The following ITIH2 variants were observed in gnomAD, a reference collection of about 807,000 sequenced individuals.
ITIH2 encodes inter-alpha-trypsin inhibitor heavy chain 2.
ITIH2 carries 103 observed loss-of-function variants against 104.4 expected under a neutral mutation model. The observed-to-expected ratio is 0.99, with a 90% confidence interval of 0.84 to 1.16. The LOEUF (loss-of-function observed/expected upper bound fraction) is 1.16, where lower values mean the gene tolerates loss of function less well. Ranked by LOEUF, ITIH2 falls within the 50% of genes most tolerant of loss-of-function variation. The pLI, the probability that ITIH2 is intolerant of heterozygous loss-of-function variation, is 0.00. For synonymous variants in ITIH2, 436 were observed against 435.4 expected, an observed-to-expected ratio of 1.00 and a Z score of -0.02; for missense variants, 1,108 against 1,162.4, an observed-to-expected ratio of 0.95 and a Z score of 0.68.
At chr10:7,734,408 C>T (rs1333174927) in intron 14 of ITIH2, among the ~76,000 whole-genome samples, 1 of 152,172 alleles carries the variant, frequency 6.6e-6, no homozygotes, top group South Asian at 2.1e-4. Context: ...AAAAAAATGC[C>T]TTGGGAGCCA....
intron 6 of ITIH2, among the ~76,000 whole-genome samples, chr10:7,720,180 C>A (rs182024972): frequency 6.4e-4 from 97 of 151,998 alleles, no homozygotes; most frequent in African/African-American, 2.1e-3. Flanking sequence ...AATTACTCAA[C>A]GGGTACAAGG....
At chr10:7,741,181 T>G (rs1185914522) in intron 16 of ITIH2, among the ~76,000 whole-genome samples, 3 of 146,014 alleles carry the variant, frequency 2.1e-5, no homozygotes, top group South Asian at 4.3e-4. Flanking sequence ...AGGTTTTTTT[T>G]TTTTTTTTTT....
chr10:7,708,877 T>A (rs950084766), intron 3 of ITIH2, 145 bp from the exon 4 acceptor site: 11 of 701,370 alleles, frequency 1.6e-5, no homozygotes, highest in Non-Finnish European at 2.5e-5. Flanking sequence ...TAACCATACA[T>A]GAATTCTGTC....
chr10:7,710,183 A>G (rs1834784503), intron 4 of ITIH2, among the ~76,000 whole-genome samples: 1 of 152,214 alleles, frequency 6.6e-6, no homozygotes, highest in Non-Finnish European at 1.5e-5. Context: ...CTAAGGTGGA[A>G]AGCATGAGAG....
At chr10:7,743,914 CAT>C (rs1221413831) in intron 17 of ITIH2, among the ~76,000 whole-genome samples, 166 bp from the exon 18 acceptor site, 9 of 151,704 alleles carry the variant, frequency 5.9e-5, no homozygotes, top group African/African-American at 1.9e-4. Flanking sequence ...GTTATATTAA[CAT>C]GTTATAAAAT....
At chr10:7,717,492 A>T (rs1044987590) in intron 5 of ITIH2, 134 bp from the exon 6 acceptor site, 37 of 731,490 alleles carry the variant, frequency 5.1e-5, no homozygotes, top group Admixed American at 3.4e-4. Flanking sequence ...TCTCTAGTGT[A>T]CCTACTGTTC....
At chr10:7,737,530 T>C (rs1228334608) in intron 15 of ITIH2, among the ~76,000 whole-genome samples, 2 of 135,126 alleles carry the variant, frequency 1.5e-5, no homozygotes, top group African/African-American at 2.8e-5. Context: ...ATACTATGTA[T>C]TCTATATAAT....
rs145265382 is a variant in ITIH2, at chr10:7,747,309, A to C, written c.2693+605A>C. ...CCCCTTTTTAGAGTTTTTACAAAGC[A>C]GCCAACTTTGCTTTATTAGAAAGGA... On this transcript the variant is annotated intron_variant, in intron 20 of 20. Transcript: ENST00000358415. Among the ~76,000 whole-genome samples the C allele has an allele frequency of 3.1e-3, 478 of 152,342 alleles. 5 individuals carry two copies. Among genetic ancestry groups the C allele is most frequent in the African/African-American group, 0.011 (459 of 41,580 alleles).
chr10:7,706,616 A>C (rs1305944567), intron 2 of ITIH2, among the ~76,000 whole-genome samples: 1 of 152,232 alleles, frequency 6.6e-6, no homozygotes, highest in Non-Finnish European at 1.5e-5. Context: ...AAATAGAATG[A>C]ATCATTATGA....
chr10:7,705,161 G>A lies in ITIH2; in HGVS notation c.138G>A (p.Val46=). The change falls in exon 2 of 21, where the codon GTG becomes GTA. Residue 46 remains valine, a synonymous_variant. Coordinates refer to ENST00000358415, the MANE Select transcript of ITIH2 (RefSeq NM_002216.3). The stretch of plus-strand genomic sequence containing the variant: ...TGGCCCCAGGCAAATTTCAATTGGT[G>A]GCAGAGAACCGGAGATATCAGGTAT... ...VELAPGKFQL[V]AENRRYQRSL... 1 of 1,611,946 alleles carries A rather than the reference G, an allele frequency of 6.2e-7. No homozygotes were observed. Among genetic ancestry groups the A allele is most frequent in the South Asian group, 1.1e-5 (1 of 91,006 alleles).
At chr10:7,748,119 T>C (rs7094172) in intron 20 of ITIH2, among the ~76,000 whole-genome samples, 1 of 150,570 alleles carries the variant, frequency 6.6e-6, no homozygotes, top group African/African-American at 2.4e-5. Context: ...TGAGGTAGGA[T>C]AATCACTTGA....
chr10:7,723,900 A>G (rs1261123822), intron 9 of ITIH2, among the ~76,000 whole-genome samples: 2 of 152,168 alleles, frequency 1.3e-5, no homozygotes, highest in Non-Finnish European at 2.9e-5. Flanking sequence ...TGAAAAACAG[A>G]ATCTCTATAT....
At chr10:7,729,033 G>A (rs1455023265) in intron 11 of ITIH2, among the ~76,000 whole-genome samples, 1 of 152,162 alleles carries the variant, frequency 6.6e-6, no homozygotes, top group Non-Finnish European at 1.5e-5. Context: ...TATTAAACTT[G>A]CCAGGCATGG....
chr10:7,725,828 C>T (rs1253820305), intron 9 of ITIH2, among the ~76,000 whole-genome samples: 1 of 152,042 alleles, frequency 6.6e-6, no homozygotes, highest in Admixed American at 6.6e-5. Context: ...GTGAGAATGC[C>T]GAGGAGTAGA....
At chr10:7,726,533 A>G (rs1346412347) in intron 9 of ITIH2, among the ~76,000 whole-genome samples, 3 of 152,104 alleles carry the variant, frequency 2.0e-5, no homozygotes, top group African/African-American at 7.2e-5. Context: ...TTCTCAGTGG[A>G]GTTGGAATCA....
intron 15 of ITIH2, among the ~76,000 whole-genome samples, chr10:7,737,460 T>C (rs1319160288): frequency 7.1e-6 from 1 of 140,408 alleles, no homozygotes; most frequent in Non-Finnish European, 1.5e-5. Context: ...AGATAACGTA[T>C]AATTATAATT....
At chr10:7,711,311 G>A (rs887064452) in intron 4 of ITIH2, among the ~76,000 whole-genome samples, 2 of 152,044 alleles carry the variant, frequency 1.3e-5, no homozygotes, top group Non-Finnish European at 2.9e-5. Flanking sequence ...CCTTCATTCT[G>A]TTCTTTCTTT....
chr10:7,730,780 C>A (rs1834995092), intron 12 of ITIH2, among the ~76,000 whole-genome samples: 2 of 150,936 alleles, frequency 1.3e-5, no homozygotes, highest in Non-Finnish European at 3.0e-5. Flanking sequence ...TTTGTCAGTA[C>A]CAGGCATCGT....
intron 1 of ITIH2, 139 bp from the exon 2 acceptor site, chr10:7,704,969 T>A: frequency 3.6e-6 from 2 of 553,326 alleles, no homozygotes; most frequent in Non-Finnish European, 6.3e-6. Flanking sequence ...ATACCTGACG[T>A]AAATGATGAG....
Sources: gnomAD v4.1 joint callset for allele counts (sites outside exome capture counted in the v4.1 genomes callset) on GRCh38, gnomAD v4.1.1 for gene constraint, MANE v1.5 for transcripts, NCBI Gene and HGNC (gene_info 2026-07-23, HGNC 2026-07-21) for gene names.